TMEM117: variants seen among roughly 807,000 people sequenced by gnomAD.
TMEM117 encodes the protein transmembrane protein 117.
In TMEM117, 27 loss-of-function variants were observed where a neutral mutation model predicts 52.4. That is an observed-to-expected ratio of 0.51 (90% CI 0.38 to 0.71). The LOEUF (loss-of-function observed/expected upper bound fraction) is 0.71. TMEM117 is among the 30% of genes least tolerant of loss of function. TMEM117 has a pLI of 0.00. For synonymous variants in TMEM117, 215 were observed against 206.3 expected (o/e 1.04, Z -0.36); for missense variants, 556 against 630.5 (o/e 0.88, Z 1.26).
intron 3 of TMEM117, among the ~76,000 whole-genome samples, chr12:44,041,609 A>G (rs538269450): frequency 6.6e-6 from 1 of 152,160 alleles, no homozygotes; most frequent in Admixed American, 6.5e-5. Flanking sequence ...TAGACTTCCA[A>G]TCCTCAGCCT....
At chr12:43,938,083 G>A (rs2137598494) in intron 2 of TMEM117, among the ~76,000 whole-genome samples, 1 of 151,946 alleles carries the variant, frequency 6.6e-6, no homozygotes, top group African/African-American at 2.4e-5. Context: ...TTTTTATTAG[G>A]CAATGTGCAG....
chr12:44,182,540 A>G (rs1198028149), intron 4 of TMEM117, among the ~76,000 whole-genome samples: 2 of 152,198 alleles, frequency 1.3e-5, no homozygotes, highest in Non-Finnish European at 2.9e-5. Context: ...TTAGGTATTG[A>G]TGGGACGTAT....
chr12:44,158,628 G>T (rs1948859100), intron 4 of TMEM117, among the ~76,000 whole-genome samples: 1 of 152,038 alleles, frequency 6.6e-6, no homozygotes, highest in African/African-American at 2.4e-5. Context: ...TTTAATCTTT[G>T]GTTGCCATGG....
chr12:43,815,953 T>C, the TMEM117 span, among the ~76,000 whole-genome samples: 2 of 152,238 alleles, frequency 1.3e-5, no homozygotes, highest in Non-Finnish European at 2.9e-5. Context: ...GGGCTTCAAA[T>C]TTTTTGCGTT....
intron 4 of TMEM117, among the ~76,000 whole-genome samples, chr12:44,164,895 C>T (rs1948944626): frequency 6.6e-6 from 1 of 152,200 alleles, no homozygotes; most frequent in Non-Finnish European, 1.5e-5. Flanking sequence ...TCCAGCACCT[C>T]TAACATTTAT....
At chr12:44,066,484 T>G (rs975316622) in intron 3 of TMEM117, among the ~76,000 whole-genome samples, 3 of 152,172 alleles carry the variant, frequency 2.0e-5, no homozygotes, top group Non-Finnish European at 4.4e-5. Flanking sequence ...TTGGGAGATA[T>G]GCAGATTCAG....
At chr12:44,240,532 G>A (rs1445590508) in intron 5 of TMEM117, among the ~76,000 whole-genome samples, 1 of 152,010 alleles carries the variant, frequency 6.6e-6, no homozygotes, top group Non-Finnish European at 1.5e-5. Flanking sequence ...AGTTACCCAC[G>A]ACTTCTTCCC....
chr12:44,301,314 G>A (rs765621481), intron 6 of TMEM117, among the ~76,000 whole-genome samples: 1 of 151,976 alleles, frequency 6.6e-6, no homozygotes, highest in Non-Finnish European at 1.5e-5. Context: ...GCTTAATAAA[G>A]ACAGATGGAA....
At chr12:43,905,448 G>T (rs1307892447) in intron 2 of TMEM117, among the ~76,000 whole-genome samples, 5 of 152,156 alleles carry the variant, frequency 3.3e-5, no homozygotes, top group African/African-American at 1.2e-4. Context: ...AGACACCGTG[G>T]CTGAAGACAT....
chr12:44,067,690 G>GT (rs1390393295), intron 3 of TMEM117, among the ~76,000 whole-genome samples: 1 of 152,144 alleles, frequency 6.6e-6, no homozygotes, highest in Non-Finnish European at 1.5e-5. Context: ...AGGCTTTGTT[G>GT]TTTCATTTAT....
At chr12:43,884,000 G>A (rs2137458066) in intron 2 of TMEM117, among the ~76,000 whole-genome samples, 1 of 152,104 alleles carries the variant, frequency 6.6e-6, no homozygotes, top group East Asian at 1.9e-4. Context: ...AGCTGGGCGT[G>A]ATGGCTCACG....
chr12:44,090,806 T>C (rs1947654365), intron 3 of TMEM117, among the ~76,000 whole-genome samples: 1 of 151,610 alleles, frequency 6.6e-6, no homozygotes, highest in Non-Finnish European at 1.5e-5. Context: ...TGCCTTTTTG[T>C]TTGTGTACTA....
intron 4 of TMEM117, among the ~76,000 whole-genome samples, chr12:44,181,713 A>T (rs1949202325): frequency 6.6e-6 from 1 of 151,402 alleles, no homozygotes; most frequent in East Asian, 1.9e-4. Context: ...ATTGATCTAT[A>T]TCTCTGTTTT....
intron 4 of TMEM117, among the ~76,000 whole-genome samples, chr12:44,173,589 T>TTTTTTTTTTTTTTTTTTTGAGACGG (rs1285073199): frequency 6.6e-6 from 1 of 150,776 alleles, no homozygotes; most frequent in African/African-American, 2.5e-5. Flanking sequence ...TTTTATTCTT[T>TTTTTTTTTTTTTTTTTTTGAGACGG]AGTTGCTGAA....
chr12:44,052,896 G>A (rs1420860540), intron 3 of TMEM117, among the ~76,000 whole-genome samples: 2 of 152,030 alleles, frequency 1.3e-5, no homozygotes, highest in Non-Finnish European at 2.9e-5. Context: ...CCTTTCCTTG[G>A]GCATGAGGTG....
At chr12:44,173,753 T>C (rs1949081885) in intron 4 of TMEM117, among the ~76,000 whole-genome samples, 1 of 152,088 alleles carries the variant, frequency 6.6e-6, no homozygotes, top group Non-Finnish European at 1.5e-5. Context: ...TTATGTATTT[T>C]AGTTTTTTTC....
chr12:43,854,811 A>G (rs1943371991), intron 2 of TMEM117, among the ~76,000 whole-genome samples: 2 of 151,948 alleles, frequency 1.3e-5, no homozygotes, highest in Admixed American at 1.3e-4. Context: ...TAATTTTTGT[A>G]TTTTTAGTAG....
At chr12:43,908,860 AC>A (rs1565745540) in intron 2 of TMEM117, among the ~76,000 whole-genome samples, 2 of 147,936 alleles carry the variant, frequency 1.4e-5, no homozygotes, top group East Asian at 2.1e-4. Flanking sequence ...GTCCTGAGTG[AC>A]CTACAAAGAG....
intron 3 of TMEM117, among the ~76,000 whole-genome samples, chr12:44,013,316 C>T (rs371562923): frequency 2.0e-5 from 3 of 152,140 alleles, no homozygotes; most frequent in South Asian, 2.1e-4. Context: ...TGTAAGTCAC[C>T]GCGCCCAGTC....
Sources: gnomAD v4.1 joint callset for allele counts (sites outside exome capture counted in the v4.1 genomes callset) on GRCh38, gnomAD v4.1.1 for gene constraint, MANE v1.5 for transcripts, NCBI Gene and HGNC (gene_info 2026-07-23, HGNC 2026-07-21) for gene names.